P3H2: variants seen among roughly 807,000 people sequenced by gnomAD.
The protein encoded by P3H2 is prolyl 3-hydroxylase 2, also known as leprecan-like 1.
P3H2 carries 80 observed loss-of-function variants against 87.0 expected under a neutral mutation model. That is an observed-to-expected ratio of 0.92 (90% CI 0.77 to 1.11). P3H2 has a LOEUF of 1.11. P3H2 is among the 50% of genes least tolerant of loss of function. The pLI is 0.00. For synonymous variants in P3H2, 367 were observed against 359.3 expected (o/e 1.02, Z -0.24); for missense variants, 1,001 against 923.9 (o/e 1.08, Z -1.08).
intron 1 of P3H2, among the ~76,000 whole-genome samples, chr3:190,087,262 T>C (rs148491378): frequency 0.023 from 3,490 of 151,894 alleles, 116 homozygotes; most frequent in African/African-American, 0.079. Context: ...AGAGGCCGGG[T>C]GCGGTGGCTC....
chr3:189,984,419 C>T, intron 7 of P3H2, 131 bp downstream of exon 7: 1 of 737,118 alleles, frequency 1.4e-6, no homozygotes, highest in South Asian at 1.7e-5. Flanking sequence ...TGTAGAGCTC[C>T]TAATTCAGAG....
intron 1 of P3H2, among the ~76,000 whole-genome samples, chr3:190,083,913 G>C (rs1314292971): frequency 6.6e-6 from 1 of 152,136 alleles, no homozygotes; most frequent in African/African-American, 2.4e-5. Flanking sequence ...ATTTTTAAAA[G>C]GGTACGTGGA....
intron 14 of P3H2, among the ~76,000 whole-genome samples, chr3:189,959,858 ATATGTGTGTGTGTGTGTG>A (rs1433989675): frequency 1.9e-4 from 25 of 131,184 alleles, no homozygotes; most frequent in African/African-American, 7.5e-4. Context: ...ACTGGAGGAG[ATATGTGTGTGTGTGTGTG>A]TGTGTGTGTG....
chr3:189,994,333 CAA>C (rs775777388), intron 2 of P3H2, 50 bp from the exon 3 acceptor site: 27 of 1,465,504 alleles, frequency 1.8e-5, no homozygotes, highest in Non-Finnish European at 2.6e-5. Context: ...AACAAACAAA[CAA>C]AAAAACCCTT....
chr3:189,971,860 G>A, intron 12 of P3H2, 30 bp downstream of exon 12: 1 of 1,319,068 alleles, frequency 7.6e-7, no homozygotes, highest in Non-Finnish European at 1.1e-6. Context: ...TTAGGTAAAA[G>A]CTTTGTTTTG....
chr3:190,058,177 G>T, intron 1 of P3H2, among the ~76,000 whole-genome samples: 1 of 152,050 alleles, frequency 6.6e-6, no homozygotes, highest in East Asian at 1.9e-4. Flanking sequence ...ATAACCCTAA[G>T]GGGCCAGCAA....
Position 190,120,629 on chromosome 3 carries a change from C to T in P3H2, c.103G>A (p.Glu35Lys), listed in dbSNP as rs1209445067. 2 of 1,531,876 alleles carry T rather than the reference C, an allele frequency of 1.3e-6. No individual in the cohort carries two copies. 94.9% of individuals were successfully genotyped at this position (1,531,876 alleles called of 1,614,324 possible). The change falls in exon 1 of 15, where the codon GAG (glutamate) becomes AAG (lysine). Residue 35 changes from glutamate (E) to lysine (K), a missense_variant. By Grantham distance (56) the Glu-to-Lys change is moderately conservative. Coordinates refer to ENST00000319332, the MANE Select transcript of P3H2 (RefSeq NM_018192.4). ...GGCTGCAGAGGCCCGGGCTCCAGCT[C>T]CAGCTCCCGGCGTGGGCTGTCCGGG... Reference protein sequence around the residue: ...GPPDSPRRELELEPGPLQPFD... With the variant: ...GPPDSPRRELKLEPGPLQPFD...
At chr3:190,004,885 T>C (rs1346682075) in intron 1 of P3H2, among the ~76,000 whole-genome samples, 1 of 152,216 alleles carries the variant, frequency 6.6e-6, no homozygotes, top group African/African-American at 2.4e-5. Context: ...ATCAATTTAC[T>C]ACAGCTAAAA....
chr3:190,012,550 AGT>A, intron 1 of P3H2, among the ~76,000 whole-genome samples: 1 of 152,286 alleles, frequency 6.6e-6, no homozygotes, highest in East Asian at 1.9e-4. Flanking sequence ...ATTTTGTCTC[AGT>A]TCCACTCAGT....
chr3:189,980,525 T>C (rs1723498571), intron 8 of P3H2, among the ~76,000 whole-genome samples: 1 of 151,518 alleles, frequency 6.6e-6, no homozygotes, highest in African/African-American at 2.4e-5. Flanking sequence ...ATCACGCCAC[T>C]GCACTCCAGC....
At chr3:190,013,237 G>A (rs987874828) in intron 1 of P3H2, among the ~76,000 whole-genome samples, 4 of 152,218 alleles carry the variant, frequency 2.6e-5, no homozygotes, top group Non-Finnish European at 5.9e-5. Context: ...TGAGTCAAGT[G>A]CAAAGGAGAA....
intron 1 of P3H2, among the ~76,000 whole-genome samples, chr3:190,002,608 C>T (rs1724252002): frequency 6.6e-6 from 1 of 152,022 alleles, no homozygotes; most frequent in Admixed American, 6.6e-5. Context: ...ACCGTGTTGG[C>T]CAAGCCAGTC....
At chr3:189,972,031 G>C in intron 11 of P3H2, 24 bp from the exon 12 acceptor site, 1 of 1,427,898 alleles carries the variant, frequency 7.0e-7, no homozygotes, top group Non-Finnish European at 9.9e-7. Flanking sequence ...GAATAGGGAA[G>C]AACGAGAAAT....
intron 1 of P3H2, among the ~76,000 whole-genome samples, chr3:190,033,204 G>A (rs1725312435): frequency 6.6e-6 from 1 of 152,214 alleles, no homozygotes; most frequent in African/African-American, 2.4e-5. Flanking sequence ...TGTAAATACA[G>A]TCGCTTGCTC....
intron 9 of P3H2, 114 bp downstream of exon 9, chr3:189,974,444 A>G: frequency 6.5e-6 from 9 of 1,384,814 alleles, no homozygotes; most frequent in Non-Finnish European, 9.1e-6. Flanking sequence ...TTTCTCCTCA[A>G]GAAAGCAATA....
chr3:189,972,188 T>A (rs939317953), intron 11 of P3H2, among the ~76,000 whole-genome samples, 181 bp from the exon 12 acceptor site: 2 of 152,252 alleles, frequency 1.3e-5, no homozygotes, highest in Non-Finnish European at 2.9e-5. Flanking sequence ...GGTTCTGATA[T>A]GAACTGGATG....
At chr3:190,113,813 C>T (rs1712164076) in intron 1 of P3H2, among the ~76,000 whole-genome samples, 1 of 152,154 alleles carries the variant, frequency 6.6e-6, no homozygotes, top group Non-Finnish European at 1.5e-5. Flanking sequence ...CGCAGTGGCT[C>T]GCGCCTGTAA....
intron 1 of P3H2, among the ~76,000 whole-genome samples, chr3:190,011,342 A>C (rs947168941): frequency 1.1e-4 from 17 of 152,044 alleles, no homozygotes; most frequent in Admixed American, 8.5e-4. Context: ...CTTTCTCAGA[A>C]TAAGACTAAA....
At chr3:190,033,340 T>C (rs146040054) in intron 1 of P3H2, among the ~76,000 whole-genome samples, 9 of 152,326 alleles carry the variant, frequency 5.9e-5, no homozygotes, top group Admixed American at 2.0e-4. Context: ...GTTTTCTCTT[T>C]TCAAAATAAC....
Sources: allele counts gnomAD v4.1 joint callset (sites outside exome capture counted in the v4.1 genomes callset), GRCh38; gene constraint gnomAD v4.1.1; transcripts MANE v1.5; gene names NCBI Gene and HGNC (gene_info 2026-07-23, HGNC 2026-07-21).